Variants in OXR1 observed in about 807,000 individuals in gnomAD.
OXR1 encodes the protein oxidation resistance protein 1.
Under a neutral mutation model 104.6 loss-of-function variants are expected in OXR1, and 41 were observed. The observed-to-expected ratio is 0.39, with a 90% CI of 0.31 to 0.51. The LOEUF is 0.51. Among genes scored for constraint, OXR1 ranks in the 20% least tolerant of loss-of-function variants. OXR1 has a pLI of 0.77. For synonymous variants in OXR1, 348 were observed against 348.4 expected (o/e 1.00, Z 0.01); for missense variants, 955 against 1,031.9 (o/e 0.93, Z 1.02).
intron 11 of OXR1, among the ~76,000 whole-genome samples, chr8:106,717,015 G>T (rs995769159): frequency 6.6e-6 from 1 of 151,908 alleles, no homozygotes; most frequent in Non-Finnish European, 1.5e-5. Flanking sequence ...GTAAAACCCT[G>T]TCTCTACTAA....
At chr8:106,658,184 T>C (rs1586984723) in intron 3 of OXR1, 1 of 1,240,606 alleles carries the variant, frequency 8.1e-7, no homozygotes, top group Non-Finnish European at 1.0e-6. Context: ...CGGAGGGACC[T>C]GGTGAGCCCA....
chr8:106,597,714 G>A (rs771983641), intron 3 of OXR1, among the ~76,000 whole-genome samples: 1 of 152,098 alleles, frequency 6.6e-6, no homozygotes, highest in Non-Finnish European at 1.5e-5. Flanking sequence ...AAGCTTACAG[G>A]TTTGCTTAAG....
chr8:106,484,700 A>ACT, intron 2 of OXR1, among the ~76,000 whole-genome samples: 1 of 152,088 alleles, frequency 6.6e-6, no homozygotes, highest in Non-Finnish European at 1.5e-5. Flanking sequence ...GACAACAGGA[A>ACT]CTCTCATTCA....
intron 2 of OXR1, among the ~76,000 whole-genome samples, chr8:106,440,386 G>GT (rs1172828641): frequency 6.6e-6 from 1 of 151,978 alleles, no homozygotes; most frequent in Admixed American, 6.6e-5. Flanking sequence ...AAAATGTGAT[G>GT]TTTTTTCTAT....
intron 11 of OXR1, among the ~76,000 whole-genome samples, chr8:106,734,167 C>T (rs371542425): frequency 1.3e-5 from 2 of 151,604 alleles, no homozygotes; most frequent in East Asian, 1.9e-4. Flanking sequence ...CATGTTGCCC[C>T]GGCTGTTCTC....
chr8:106,447,941 G>C (rs73309233), intron 2 of OXR1: 34 of 1,534,182 alleles, frequency 2.2e-5, no homozygotes, highest in Admixed American at 3.9e-5. Context: ...CATCTAGTAC[G>C]GGGCTCACAG....
At chr8:106,740,676 A>C (rs1387941677) in intron 14 of OXR1, among the ~76,000 whole-genome samples, 181 bp downstream of exon 14, 1 of 152,180 alleles carries the variant, frequency 6.6e-6, no homozygotes, top group African/African-American at 2.4e-5. Context: ...GAGCATGATG[A>C]TTAAGAATTA....
At chr8:106,402,965 C>T (rs1208750526) in intron 2 of OXR1, among the ~76,000 whole-genome samples, 7 of 152,144 alleles carry the variant, frequency 4.6e-5, no homozygotes, top group East Asian at 3.9e-4. Context: ...GGACTACAGG[C>T]GTCCACCACC....
At chr8:106,350,897 G>A (rs962619606) in intron 1 of OXR1, among the ~76,000 whole-genome samples, 2 of 152,126 alleles carry the variant, frequency 1.3e-5, no homozygotes, top group Non-Finnish European at 2.9e-5. Context: ...TTTACATGTT[G>A]TACAACTGAA....
chr8:106,654,656 A>G (rs1824903365), intron 3 of OXR1, among the ~76,000 whole-genome samples: 1 of 152,170 alleles, frequency 6.6e-6, no homozygotes, highest in Non-Finnish European at 1.5e-5. Context: ...GAAAAAACAT[A>G]ATAGTTAATC....
chr8:106,423,594 AGTT>A (rs1818989251), intron 2 of OXR1, among the ~76,000 whole-genome samples: 1 of 152,216 alleles, frequency 6.6e-6, no homozygotes, highest in Admixed American at 6.5e-5. Context: ...GTGCCAGAAC[AGTT>A]GTTTACTCAG....
At chr8:106,424,078 A>T (rs757082345) in intron 2 of OXR1, among the ~76,000 whole-genome samples, 16 of 152,046 alleles carry the variant, frequency 1.1e-4, no homozygotes, top group Non-Finnish European at 2.2e-4. Context: ...CTGGGACTAC[A>T]GACGTTTGCC....
chr8:106,685,177 T>C (rs886178213), intron 6 of OXR1, among the ~76,000 whole-genome samples: 2 of 152,182 alleles, frequency 1.3e-5, no homozygotes, highest in Non-Finnish European at 2.9e-5. Flanking sequence ...TTGATAAGAA[T>C]AAAAGTCAGG....
intron 1 of OXR1, among the ~76,000 whole-genome samples, chr8:106,356,545 T>A (rs1815980761): frequency 6.6e-6 from 1 of 152,164 alleles, no homozygotes; most frequent in Non-Finnish European, 1.5e-5. Flanking sequence ...TGTTTTTGTA[T>A]TATTTTTACA....
intron 2 of OXR1, among the ~76,000 whole-genome samples, chr8:106,423,485 G>GA (rs1818985243): frequency 6.6e-6 from 1 of 152,016 alleles, no homozygotes; most frequent in African/African-American, 2.4e-5. Flanking sequence ...GAAGCAATTT[G>GA]AAAAAAATAA....
At chr8:106,670,471 G>A (rs906164397) in intron 3 of OXR1, among the ~76,000 whole-genome samples, 1 of 152,122 alleles carries the variant, frequency 6.6e-6, no homozygotes, top group Non-Finnish European at 1.5e-5. Flanking sequence ...AATAGAAACA[G>A]GCCCACGGTA....
chr8:106,406,012 G>C (rs940653270), intron 2 of OXR1, among the ~76,000 whole-genome samples: 2 of 152,060 alleles, frequency 1.3e-5, no homozygotes, highest in African/African-American at 4.8e-5. Flanking sequence ...ACTCTAAAAA[G>C]CATGAATAGT....
In OXR1 at chr8:106,713,406, A is replaced by G. The variant is rs1034209696; in HGVS notation, c.1794-417A>G. Among the ~76,000 whole-genome samples the G allele has an allele frequency of 3.9e-5, 6 of 152,092 alleles. No individual in the cohort carries two copies. The East Asian group carries it at 1.2e-3, about 29-fold the overall frequency. ...TAAAATTTAAGGACATTACATTTCTATTAACTTGGAAAATTGTATATAATG... is the reference window on the plus strand; with the variant it reads ...TAAAATTTAAGGACATTACATTTCTGTTAACTTGGAAAATTGTATATAATG... On this transcript the variant is annotated intron_variant, in intron 10 of 16. Coordinates refer to ENST00000517566, the MANE Select transcript of OXR1 (RefSeq NM_001198533.2).
intron 3 of OXR1, among the ~76,000 whole-genome samples, chr8:106,666,732 C>T (rs899903525): frequency 6.6e-6 from 1 of 152,144 alleles, no homozygotes; most frequent in Non-Finnish European, 1.5e-5. Context: ...CAGACTTCAC[C>T]TGGACAGTGG....
Sources: gnomAD v4.1 joint callset for allele counts (sites outside exome capture counted in the v4.1 genomes callset) on GRCh38, gnomAD v4.1.1 for gene constraint, MANE v1.5 for transcripts, NCBI Gene and HGNC (gene_info 2026-07-23, HGNC 2026-07-21) for gene names.